The following NRXN1 variants were observed in gnomAD, a reference collection of about 807,000 sequenced individuals.
NRXN1 encodes neurexin 1.
NRXN1 carries 39 observed loss-of-function variants against 150.9 expected under a neutral mutation model. The ratio of observed to expected loss-of-function variants is 0.26; its 90% CI spans 0.20 to 0.34. The LOEUF (loss-of-function observed/expected upper bound fraction) is 0.34. Among genes scored for constraint, NRXN1 ranks in the 10% least tolerant of loss-of-function variants. The pLI is 1.00. For synonymous variants in NRXN1, 924 were observed against 757.0 expected (o/e 1.22, Z -3.62); for missense variants, 1,815 against 1,949.9 (o/e 0.93, Z 1.30).
intron 17 of NRXN1, among the ~76,000 whole-genome samples, chr2:50,358,285 C>G (rs182880007): frequency 7.9e-5 from 12 of 152,318 alleles, no homozygotes; most frequent in African/African-American, 2.6e-4. Context: ...TGGTCTTGCT[C>G]AGCGAATCCC....
chr2:50,531,274 A>T lies in NRXN1; in HGVS notation c.2300T>A (p.Leu767His). 6.2e-7 allele frequency: 1 copy of T among 1,613,540 alleles called. No individual in the cohort carries two copies. The highest frequency in any genetic ancestry group is 1.1e-5 in the South Asian group (1 of 91,030). ...ACGTCCTGCGTCTAGCTCCAGGCGG[A>T]GGGTGTCAGCAGAGTCTCTAGAAGT... The part of the protein sequence containing the change: ...ATTSRDSADT[L>H]RLELDAGRVK... The change falls in exon 11 of 23, where the codon CTC (leucine) becomes CAC (histidine). Residue 767 changes from leucine to histidine, a missense_variant. By Grantham distance (99) the Leu-to-His change is moderately conservative. This residue lies in a region of NRXN1 where 638 missense variants were observed against 652.6 expected (regional missense o/e 0.98). Transcript: ENST00000401669.
chr2:50,635,657 C>T (rs1275401449), intron 5 of NRXN1, among the ~76,000 whole-genome samples: 1 of 152,124 alleles, frequency 6.6e-6, no homozygotes, highest in Non-Finnish European at 1.5e-5. Context: ...TTTCTTCCCT[C>T]AATTACTTTT....
At chr2:50,579,493 A>T (rs1671932629) in intron 8 of NRXN1, among the ~76,000 whole-genome samples, 1 of 152,148 alleles carries the variant, frequency 6.6e-6, no homozygotes, top group Admixed American at 6.6e-5. Flanking sequence ...ACCAAAAACA[A>T]GCAAAATTAG....
At chr2:49,923,860 A>G (rs567741880) in intron 22 of NRXN1, among the ~76,000 whole-genome samples, 72 of 152,224 alleles carry the variant, frequency 4.7e-4, no homozygotes, top group Non-Finnish European at 9.3e-4. Context: ...TGTAGCAGGT[A>G]AAACTTTTTA....
At chr2:50,862,202 C>CAAA (rs370954338) in intron 5 of NRXN1, among the ~76,000 whole-genome samples, 3 of 76,308 alleles carry the variant, frequency 3.9e-5, no homozygotes, top group Non-Finnish European at 2.6e-5. Context: ...GATTCCATCT[C>CAAA]AAAAAAAAAA....
chr2:50,389,314 T>C (rs959453790), intron 17 of NRXN1, among the ~76,000 whole-genome samples: 3 of 149,210 alleles, frequency 2.0e-5, no homozygotes, highest in African/African-American at 7.4e-5. Flanking sequence ...ATTCCTAAAA[T>C]ATGGAATAAA....
Position 50,347,736 on chromosome 2 carries a change from GAAAAAGAAAAAGAA to G in NRXN1, c.3365-110780_3365-110767del. The stretch of plus-strand genomic sequence containing the variant: ...GGAGTAAGGGAGAGAAACAGAAAAA[GAAAAAGAAAAAGAA>G]AAAAAGAAAAGAAAAACCACACACG... On this transcript the variant is annotated intron_variant, in intron 17 of 22. Coordinates refer to ENST00000401669, the MANE Select transcript of NRXN1 (RefSeq NM_001330078.2). This position sits in a 1 kb window ranked among gnomAD's most constrained non-coding sequence, Gnocchi z 4.9. 1 of 986,216 alleles carries G rather than the reference GAAAAAGAAAAAGAA, an allele frequency of 1.0e-6. No homozygotes were observed. The highest frequency in any genetic ancestry group is 1.2e-6 in the Non-Finnish European group (1 of 830,580). 61.1% of individuals were successfully genotyped at this position (986,216 alleles called of 1,614,324 possible).
intron 17 of NRXN1, among the ~76,000 whole-genome samples, chr2:50,297,919 C>G (rs1483142542): frequency 6.6e-6 from 1 of 152,088 alleles, no homozygotes; most frequent in Non-Finnish European, 1.5e-5. Flanking sequence ...TTAGATAAAA[C>G]AAAATCCGGG....
intron 5 of NRXN1, among the ~76,000 whole-genome samples, chr2:50,868,726 A>C (rs2106083665): frequency 6.6e-6 from 1 of 151,940 alleles, no homozygotes; most frequent in East Asian, 2.0e-4. Context: ...AATTTCAGAG[A>C]GACTCATTGA....
Position 50,784,276 on chromosome 2 carries a change from A to T in NRXN1, c.832+137593T>A, listed in dbSNP as rs541014215. 2.6e-5 allele frequency among the ~76,000 whole-genome samples: 4 copies of T among 152,192 alleles called. No individual in the cohort carries two copies. The East Asian group carries it at 7.7e-4, about 29-fold the overall frequency. On this transcript the variant is annotated intron_variant, in intron 5 of 22. Coordinates refer to ENST00000401669, the MANE Select transcript of NRXN1 (RefSeq NM_001330078.2). ...TGTTACACTTTTATCAAAGGGTCAG[A>T]TGGAGAAAAAATGCTTTTACTATGC... is the stretch of plus-strand genomic sequence containing the variant.
At chr2:50,216,190 C>G (rs1349698238) in intron 18 of NRXN1, among the ~76,000 whole-genome samples, 1 of 151,880 alleles carries the variant, frequency 6.6e-6, no homozygotes, top group Non-Finnish European at 1.5e-5. Flanking sequence ...CACGGCACCC[C>G]AGCCTGGGTG....
intron 5 of NRXN1, among the ~76,000 whole-genome samples, chr2:50,707,245 C>T (rs947152354): frequency 1.3e-5 from 2 of 152,242 alleles, no homozygotes; most frequent in African/African-American, 4.8e-5. Context: ...TGTGGATTTT[C>T]ACAGCTGTAC....
chr2:50,454,205 A>T (rs1000186787), intron 17 of NRXN1, among the ~76,000 whole-genome samples: 6 of 152,108 alleles, frequency 3.9e-5, no homozygotes, highest in Admixed American at 3.9e-4. Context: ...GCATGCCTGT[A>T]ATCTCAGCTC....
In NRXN1 at chr2:50,968,882, T is replaced by A. The variant is rs1694544882; in HGVS notation, c.773-42927A>T. 2.0e-5 allele frequency among the ~76,000 whole-genome samples: 3 copies of A among 152,072 alleles called. No homozygotes were observed. In the South Asian group the frequency reaches 6.2e-4, roughly 32 times the overall value. On this transcript the variant is annotated intron_variant, in intron 2 of 22. Transcript: ENST00000401669. ...CTTCTTCGTTCCATGTCGACTCATA[T>A]CACTCTTCTGCTTAGAGCTTGCCGA...
chr2:50,456,139 G>C (rs1323059148), intron 17 of NRXN1, among the ~76,000 whole-genome samples: 2 of 152,126 alleles, frequency 1.3e-5, no homozygotes, highest in Admixed American at 1.3e-4. Flanking sequence ...AGTTTCCACT[G>C]TCTCCTTCAA....
At chr2:50,512,505 G>C (rs930219931) in intron 12 of NRXN1, among the ~76,000 whole-genome samples, 1 of 152,150 alleles carries the variant, frequency 6.6e-6, no homozygotes, top group Non-Finnish European at 1.5e-5. Flanking sequence ...ACTACTAAGT[G>C]AATGTATTTA....
intron 10 of NRXN1, among the ~76,000 whole-genome samples, chr2:50,537,297 T>C (rs1056911529): frequency 6.6e-6 from 1 of 152,204 alleles, no homozygotes; most frequent in Non-Finnish European, 1.5e-5. Flanking sequence ...GTGAGGACAA[T>C]GGAACAACTC....
At chr2:50,711,561 C>T (rs1475760408) in intron 5 of NRXN1, among the ~76,000 whole-genome samples, 1 of 151,912 alleles carries the variant, frequency 6.6e-6, no homozygotes, top group African/African-American at 2.4e-5. Flanking sequence ...GTCTTGAACT[C>T]CTGACCTCAG....
chr2:50,706,669 C>T (rs1191078308), intron 5 of NRXN1, among the ~76,000 whole-genome samples: 1 of 152,110 alleles, frequency 6.6e-6, no homozygotes, highest in East Asian at 1.9e-4. Context: ...TTTGACTCTA[C>T]TTAGCCAAAC....
Sources: allele counts gnomAD v4.1 joint callset (sites outside exome capture counted in the v4.1 genomes callset), GRCh38; gene constraint gnomAD v4.1.1; regional missense constraint gnomAD v4.1.1; non-coding constraint Gnocchi (gnomAD v3.1); transcripts MANE v1.5; gene names NCBI Gene and HGNC (gene_info 2026-07-23, HGNC 2026-07-21).